The following NECAB2 variants were observed in gnomAD, a reference collection of about 807,000 sequenced individuals.
NECAB2 encodes the protein N-terminal EF-hand calcium binding protein 2.
In NECAB2, 68 loss-of-function variants were observed where a neutral mutation model predicts 51.9. That is an observed-to-expected ratio of 1.31 (90% CI 1.08 to 1.60). The LOEUF is 1.60. NECAB2 is among the 40% of genes most tolerant of loss of function. NECAB2 has a pLI of 0.00. For missense variants in NECAB2, 854 were observed against 490.3 expected (o/e 1.74, Z -7.00); for synonymous variants, 329 against 203.5 (o/e 1.62, Z -5.25).
chr16:83,989,036 C>T (rs1480287518), intron 5 of NECAB2, among the ~76,000 whole-genome samples: 3 of 152,224 alleles, frequency 2.0e-5, no homozygotes, highest in Non-Finnish European at 4.4e-5. Flanking sequence ...TGATCGCTGA[C>T]CACATCTTCA....
upstream of NECAB2, chr16:83,965,931 T>C (rs751636505): frequency 1.2e-6 from 2 of 1,612,472 alleles, no homozygotes; most frequent in East Asian, 2.2e-5. Flanking sequence ...GGGGACAACT[T>C]CGTGAGGTTT....
chr16:83,974,919 C>T (rs543337082), intron 2 of NECAB2, among the ~76,000 whole-genome samples: 3 of 129,430 alleles, frequency 2.3e-5, no homozygotes, highest in South Asian at 2.4e-4. Context: ...GGCGTGGGTG[C>T]GGGGATGGGA....
chr16:84,002,019 G>A (rs2084847136), intron 12 of NECAB2, 103 bp downstream of exon 12: 1 of 1,328,662 alleles, frequency 7.5e-7, no homozygotes, highest in South Asian at 1.3e-5. Flanking sequence ...TGCTTGCTGT[G>A]GGCCCACTGT....
intron 6 of NECAB2, among the ~76,000 whole-genome samples, chr16:83,991,844 C>T (rs112702722): frequency 7.7e-6 from 1 of 129,356 alleles, no homozygotes; most frequent in Non-Finnish European, 1.6e-5. Context: ...TTTGTAGAGA[C>T]GGGGTCTCGC....
rs2084314759 is a variant in NECAB2 at position 83,968,647 on chromosome 16, C to G, written c.-2C>G. The G allele has an allele frequency of 2.0e-6, 2 of 979,788 alleles. No homozygotes were observed. The highest frequency in any genetic ancestry group is 2.4e-6 in the Non-Finnish European group (2 of 828,000). The allele number at this position is 979,788 out of a possible 1,614,324, so 60.7% of individuals were successfully genotyped here. On this transcript the variant is annotated 5_prime_UTR_variant, in exon 1 of 13. Coordinates refer to ENST00000305202, the MANE Select transcript of NECAB2 (RefSeq NM_019065.3). ...CCGGGCGGCGGCGGCGGGCGCGGCG[C>G]GATGTGCGAGCGGGCGGCGCGCCTG... is the stretch of plus-strand genomic sequence containing the variant.
chr16:83,997,644 C>T (rs143741563), intron 9 of NECAB2, among the ~76,000 whole-genome samples: 73 of 151,974 alleles, frequency 4.8e-4, no homozygotes, highest in South Asian at 3.7e-3. Context: ...TGTGCCACCA[C>T]GCCTGGCTAA....
In NECAB2 at chr16:84,002,450, A is replaced by T; in HGVS notation, c.*104A>T. 7.0e-7 allele frequency: 1 copy of T among 1,421,468 alleles called. No homozygotes were observed. Among genetic ancestry groups the T allele is most frequent in the Non-Finnish European group, 9.9e-7 (1 of 1,012,730 alleles). The allele number at this position is 1,421,468 out of a possible 1,614,324, so 88.1% of individuals were successfully genotyped here. ...ACTTTGGTGCAGAAGCTTCTTTTCAATCCATCCTCCACAAGAAGGTGTTTC... is the reference window on the plus strand; with the variant it reads ...ACTTTGGTGCAGAAGCTTCTTTTCATTCCATCCTCCACAAGAAGGTGTTTC... On this transcript the variant is annotated 3_prime_UTR_variant, in exon 13 of 13. Coordinates refer to ENST00000305202, the MANE Select transcript of NECAB2 (RefSeq NM_019065.3).
At chr16:83,994,560 C>T (rs1260533553) in intron 7 of NECAB2, 49 bp from the exon 8 acceptor site, 2 of 1,611,068 alleles carry the variant, frequency 1.2e-6, no homozygotes, top group Non-Finnish European at 1.7e-6. Context: ...CCCCCGAAGC[C>T]CTCGTCCTGC....
At chr16:83,996,527 C>G (rs573902623) in intron 8 of NECAB2, among the ~76,000 whole-genome samples, 17 of 152,208 alleles carry the variant, frequency 1.1e-4, no homozygotes, top group African/African-American at 4.1e-4. Flanking sequence ...GGAGGATGGA[C>G]AGAGATAGCC....
chr16:83,965,408 G>A, upstream of NECAB2: 1 of 1,577,650 alleles, frequency 6.3e-7, no homozygotes, highest in Non-Finnish European at 8.6e-7. Flanking sequence ...CACAAGGGTG[G>A]GTGCGGTGAC....
At position 83,978,412 on chromosome 16, in the gene NECAB2, A is replaced by T. The variant is rs757228410; in HGVS notation, c.227-32A>T. 2.5e-6 allele frequency: 4 copies of T among 1,591,186 alleles called. No homozygotes were observed. The African/African-American group carries it at 4.0e-5, about 16-fold the overall frequency. On this transcript the variant is annotated intron_variant, in intron 2 of 12. Coordinates refer to ENST00000305202, the MANE Select transcript of NECAB2 (RefSeq NM_019065.3). ...CCCCACCAGCCTTATCTCTGCAGAC[A>T]CCAGCTCCTTTCTCTGCTTCCTTCC...
chr16:83,994,509 C>T (rs1277243280), intron 7 of NECAB2, 89 bp downstream of exon 7: 1 of 1,592,950 alleles, frequency 6.3e-7, no homozygotes, highest in Non-Finnish European at 8.6e-7. Flanking sequence ...GGGAGATGAG[C>T]AAGTTTGATG....
At chr16:83,965,287 G>C (rs558194656), upstream of NECAB2, 16 of 1,602,674 alleles carry the variant, frequency 1.0e-5, no homozygotes, top group African/African-American at 1.2e-4. Flanking sequence ...TCTCGCTGTG[G>C]GCCCGCAACG....
Position 84,002,504 on chromosome 16 carries a change from T to TGCC in NECAB2, c.*159_*161dup, listed in dbSNP as rs2084858902. The TGCC allele has an allele frequency of 1.1e-6, 1 of 909,750 alleles. No homozygotes were observed. The allele number at this position is 909,750 out of a possible 1,614,324, so 56.4% of individuals were successfully genotyped here. On this transcript the variant is annotated 3_prime_UTR_variant, in exon 13 of 13. Transcript: ENST00000305202. ...GTTGTTAAGTGAAGGAGGCCGCCCC[T>TGCC]GCCCCCACCTGAGAAGGCAGAGCAG...
At chr16:84,002,247 G>A in intron 12 of NECAB2, 71 bp from the exon 13 acceptor site, 1 of 1,565,240 alleles carries the variant, frequency 6.4e-7, no homozygotes, top group South Asian at 1.1e-5. Flanking sequence ...TGTCATTCAA[G>A]ACGACCACCA....
intron 5 of NECAB2, among the ~76,000 whole-genome samples, chr16:83,981,524 C>G (rs73246979): frequency 0.01 from 1,572 of 152,182 alleles, 24 homozygotes; most frequent in African/African-American, 0.035. Flanking sequence ...TGTCCCATAT[C>G]AGGTTCTCGA....
chr16:83,999,746 T>C (rs1472994), intron 10 of NECAB2, among the ~76,000 whole-genome samples: 22,299 of 152,094 alleles, frequency 0.15, 2,086 homozygotes, highest in African/African-American at 0.27. Flanking sequence ...CCCCTTCCTC[T>C]GTGGCCCAGC....
rs1013551279 is a variant in NECAB2, at chr16:84,002,587, C to T, written c.*241C>T. ...GGTTGAAGGGGGCGGCTTCCTGGAG[C>T]CAGCACCCCTGCCTCCTGGTCCTGG... On this transcript the variant is annotated 3_prime_UTR_variant, in exon 13 of 13. Transcript: ENST00000305202. 1.5e-5 allele frequency: 9 copies of T among 589,908 alleles called. No individual in the cohort carries two copies. Among genetic ancestry groups the T allele is most frequent in the Non-Finnish European group, 2.7e-5 (9 of 332,314 alleles). The allele number at this position is 589,908 out of a possible 1,614,324, so 36.5% of individuals were successfully genotyped here.
chr16:83,997,196 T>C lies in NECAB2; in HGVS notation c.796-20T>C, dbSNP rs751433517. The C allele has an allele frequency of 7.6e-5, 123 of 1,613,924 alleles. No individual in the cohort carries two copies. Among genetic ancestry groups the C allele is most frequent in the Middle Eastern group, 6.6e-4 (4 of 6,084 alleles). On this transcript the variant is annotated intron_variant, in intron 8 of 12. Coordinates refer to ENST00000305202, the MANE Select transcript of NECAB2 (RefSeq NM_019065.3). Reference sequence around the variant, plus strand: ...AGTGGGGCTCTGGGTCTAGCATCACTGTGTGCTGGATTGTTTCAGGCACTG... The same window carrying C: ...AGTGGGGCTCTGGGTCTAGCATCACCGTGTGCTGGATTGTTTCAGGCACTG...
Sources: gnomAD v4.1 joint callset for allele counts (sites outside exome capture counted in the v4.1 genomes callset) on GRCh38, gnomAD v4.1.1 for gene constraint, MANE v1.5 for transcripts, NCBI Gene and HGNC (gene_info 2026-07-23, HGNC 2026-07-21) for gene names.